SDHC: variants seen among roughly 807,000 people sequenced by gnomAD.
SDHC encodes succinate dehydrogenase cytochrome b560 subunit, mitochondrial.
A neutral mutation model predicts 22.6 loss-of-function variants in SDHC; 11 were observed. That is an observed-to-expected ratio of 0.49 (90% CI 0.31 to 0.81). SDHC has a LOEUF of 0.81. Among genes scored for constraint, SDHC ranks in the 30% least tolerant of loss-of-function variants. The probability of loss-of-function intolerance (pLI) is 0.05; values close to 1 mark genes in which losing one functional copy is unlikely to be tolerated. For missense variants in SDHC, 160 were observed against 212.0 expected (o/e 0.75, Z 1.52); for synonymous variants, 80 against 77.8 (o/e 1.03, Z -0.15).
At chr1:161,352,363 T>G (rs1331020127) in intron 4 of SDHC, among the ~76,000 whole-genome samples, 1 of 152,150 alleles carries the variant, frequency 6.6e-6, no homozygotes, top group African/African-American at 2.4e-5. Context: ...CCTGATTATA[T>G]CTGGCTTGGA....
intron 2 of SDHC, among the ~76,000 whole-genome samples, chr1:161,327,656 G>T (rs1455402852): frequency 6.6e-6 from 1 of 151,920 alleles, no homozygotes; most frequent in East Asian, 1.9e-4. Context: ...CTGCCTCCCG[G>T]GTTCAAGTGA....
intron 1 of SDHC, among the ~76,000 whole-genome samples, chr1:161,317,235 G>T (rs184398490): frequency 1.5e-4 from 23 of 151,996 alleles, no homozygotes; most frequent in South Asian, 1.0e-3. Flanking sequence ...TCACCATCTT[G>T]GCCAGGCTGG....
At position 161,362,301 on chromosome 1, in the gene SDHC, CTT is replaced by C. The variant is rs34744926; in HGVS notation, c.406-15_406-14del. ...GTTAATGTCCTATTTACTGAAATTC[CTT>C]TTTTTTTTTTTTGCTTTGTCCACAG... On this transcript the variant is annotated intron_variant, in intron 5 of 5. Coordinates refer to ENST00000367975, the MANE Select transcript of SDHC (RefSeq NM_003001.5). 18,055 of 1,389,690 alleles carry C rather than the reference CTT, an allele frequency of 0.013. No individual in the cohort carries two copies. Among genetic ancestry groups the C allele is most frequent in the Non-Finnish European group, 0.014 (13,775 of 1,013,802 alleles). 86.1% of individuals were successfully genotyped at this position (1,389,690 alleles called of 1,614,324 possible).
At chr1:161,320,092 G>A (rs1670787049) in intron 1 of SDHC, among the ~76,000 whole-genome samples, 1 of 152,112 alleles carries the variant, frequency 6.6e-6, no homozygotes, top group South Asian at 2.1e-4. Flanking sequence ...GTAAGAGATT[G>A]GTGCGAGGGA....
At chr1:161,347,643 G>C (rs553746997) in intron 4 of SDHC, among the ~76,000 whole-genome samples, 14 of 151,926 alleles carry the variant, frequency 9.2e-5, no homozygotes, top group African/African-American at 3.1e-4. Context: ...CGAGGCAGGT[G>C]GATCACAAGG....
chr1:161,323,853 G>A (rs1234026786), intron 2 of SDHC, among the ~76,000 whole-genome samples, 183 bp downstream of exon 2: 3 of 151,974 alleles, frequency 2.0e-5, no homozygotes, highest in Admixed American at 6.6e-5. Flanking sequence ...CCACCACCAC[G>A]CCTGGCTAAT....
intron 4 of SDHC, among the ~76,000 whole-genome samples, chr1:161,355,191 A>G (rs1325573360): frequency 6.6e-6 from 1 of 152,194 alleles, no homozygotes; most frequent in East Asian, 1.9e-4. Flanking sequence ...CAGTTACATT[A>G]TATCATTATG....
intron 3 of SDHC, among the ~76,000 whole-genome samples, chr1:161,334,679 T>C (rs1187144136): frequency 6.7e-6 from 1 of 149,744 alleles, no homozygotes; most frequent in Non-Finnish European, 1.5e-5. Context: ...GCTCAAGCTG[T>C]CCTCCCACTT....
chr1:161,319,930 G>GGCCA (rs1670781039), intron 1 of SDHC, among the ~76,000 whole-genome samples: 1 of 119,302 alleles, frequency 8.4e-6, no homozygotes, highest in Non-Finnish European at 1.7e-5. Flanking sequence ...CCAGAGAGTT[G>GGCCA]GCCACGTTGT....
intron 4 of SDHC, among the ~76,000 whole-genome samples, chr1:161,355,970 G>T (rs1672252759): frequency 7.1e-6 from 1 of 141,282 alleles, no homozygotes; most frequent in African/African-American, 2.7e-5. Context: ...GGGCAACAGA[G>T]CGAGACTCTG....
At chr1:161,326,018 G>A (rs575915013) in intron 2 of SDHC, among the ~76,000 whole-genome samples, 51 of 152,088 alleles carry the variant, frequency 3.4e-4, no homozygotes, top group Admixed American at 7.9e-4. Context: ...ACCAACCAAC[G>A]TACTGAAACC....
At chr1:161,326,178 G>T (rs1671038686) in intron 2 of SDHC, among the ~76,000 whole-genome samples, 2 of 151,720 alleles carry the variant, frequency 1.3e-5, no homozygotes, top group South Asian at 4.2e-4. Flanking sequence ...CTCCAGTTTG[G>T]CCACAGAGCG....
intron 2 of SDHC, among the ~76,000 whole-genome samples, chr1:161,324,935 T>A (rs1670994351): frequency 6.6e-6 from 1 of 152,224 alleles, no homozygotes; most frequent in Non-Finnish European, 1.5e-5. Flanking sequence ...GCATGGTGGT[T>A]CATGCCTGTA....
At position 161,328,907 on chromosome 1, in the gene SDHC, ATTC is replaced by A. The variant is rs576342627; in HGVS notation, c.179+419_179+421del. ...TTATATAGAAGTTGCAACTTTGCAA[ATTC>A]TTCTTCTTTTTTTTCTGAGACAGAG... On this transcript the variant is annotated intron_variant, in intron 3 of 5. Transcript: ENST00000367975. Among the ~76,000 whole-genome samples, 333 of 152,140 alleles carry A rather than the reference ATTC, an allele frequency of 2.2e-3. 1 individual carries two copies. Among genetic ancestry groups the A allele is most frequent in the African/African-American group, 7.1e-3 (293 of 41,520 alleles).
Position 161,323,698 on chromosome 1 carries a change from A to ATTTT in SDHC, c.77+31_77+32insTTTT, listed in dbSNP as rs371604278. The ATTTT allele has an allele frequency of 4.5e-5, 68 of 1,525,864 alleles. No individual in the cohort carries two copies. The African/African-American group carries it at 9.1e-4, about 20-fold the overall frequency. The allele number at this position is 1,525,864 out of a possible 1,614,324, so 94.5% of individuals were successfully genotyped here. On this transcript the variant is annotated intron_variant, in intron 2 of 5. Coordinates refer to ENST00000367975, the MANE Select transcript of SDHC (RefSeq NM_003001.5). ...AAGTTTCTAAGTCTGGAGATTATTT[A>ATTTT]TTTATTTTTTTTTTTGAGACGGAGT...
chr1:161,329,253 G>T (rs60792683), intron 3 of SDHC, among the ~76,000 whole-genome samples: 17,805 of 152,102 alleles, frequency 0.12, 1,410 homozygotes, highest in African/African-American at 0.22. Context: ...ATTCCCAGCT[G>T]CTTAACATGT....
Position 161,323,856 on chromosome 1 carries a change from T to C in SDHC, c.77+186T>C, listed in dbSNP as rs113273303. Among the ~76,000 whole-genome samples the C allele has an allele frequency of 0.12, 17,806 of 151,786 alleles. 1,415 individuals carry two copies. The highest frequency in any genetic ancestry group is 0.22 in the African/African-American group (8,955 of 41,388). On this transcript the variant is annotated intron_variant, in intron 2 of 5. Transcript: ENST00000367975. ...GACTACAGGCGCCCACCACCACGCC[T>C]GGCTAATTTTTTTGTATTTTTAGTA... is the stretch of plus-strand genomic sequence containing the variant.
chr1:161,338,887 C>T (rs889445925), intron 3 of SDHC, among the ~76,000 whole-genome samples: 7 of 152,084 alleles, frequency 4.6e-5, no homozygotes, highest in African/African-American at 1.4e-4. Flanking sequence ...CACCCTCTGT[C>T]GCCCAGACTG....
intron 1 of SDHC, among the ~76,000 whole-genome samples, chr1:161,322,188 G>T (rs1037168332): frequency 6.6e-6 from 1 of 152,170 alleles, no homozygotes; most frequent in Non-Finnish European, 1.5e-5. Context: ...AACATTTTGG[G>T]TTATGGAGGG....
Sources: allele counts gnomAD v4.1 joint callset (sites outside exome capture counted in the v4.1 genomes callset), GRCh38; gene constraint gnomAD v4.1.1; transcripts MANE v1.5; gene names NCBI Gene and HGNC (gene_info 2026-07-23, HGNC 2026-07-21).